COL13A1: variants seen among roughly 807,000 people sequenced by gnomAD.
COL13A1 encodes collagen type XIII alpha 1 chain.
COL13A1 carries 89 observed loss-of-function variants against 130.9 expected under a neutral mutation model. The ratio of observed to expected loss-of-function variants is 0.68; its 90% confidence interval spans 0.57 to 0.81. The LOEUF (loss-of-function observed/expected upper bound fraction) is 0.81, where lower values mean the gene tolerates loss of function less well. Among genes scored for constraint, COL13A1 ranks in the 30% least tolerant of loss-of-function variants. The pLI, the probability that COL13A1 is intolerant of heterozygous loss-of-function variation, is 0.00. For synonymous variants in COL13A1, 402 were observed against 341.6 expected (o/e 1.18, Z -1.95); for missense variants, 879 against 934.6 (o/e 0.94, Z 0.78).
At chr10:69,826,967 C>T (rs1266829747) in intron 2 of COL13A1, among the ~76,000 whole-genome samples, 2 of 152,190 alleles carry the variant, frequency 1.3e-5, no homozygotes, top group African/African-American at 4.8e-5. Flanking sequence ...AACCCATTGG[C>T]CAGAACTTAG....
At chr10:69,916,980 C>G (rs1255735902) in intron 17 of COL13A1, among the ~76,000 whole-genome samples, 4 of 152,190 alleles carry the variant, frequency 2.6e-5, no homozygotes, top group Non-Finnish European at 4.4e-5. Context: ...GTTCCAGGTA[C>G]AGCTCAACCA....
At chr10:69,833,343 G>T (rs926483132) in intron 2 of COL13A1, among the ~76,000 whole-genome samples, 3 of 152,206 alleles carry the variant, frequency 2.0e-5, no homozygotes, top group African/African-American at 7.2e-5. Context: ...CCTCACCTCA[G>T]CCCAGGCCAG....
At chr10:69,882,299 A>G (rs933406697) in intron 7 of COL13A1, among the ~76,000 whole-genome samples, 2 of 152,216 alleles carry the variant, frequency 1.3e-5, no homozygotes, top group African/African-American at 4.8e-5. Context: ...ACACCCTTTC[A>G]GCAAATTATG....
intron 35 of COL13A1, 32 bp downstream of exon 35, chr10:69,941,055 C>G (rs927769528): frequency 2.5e-6 from 4 of 1,613,626 alleles, no homozygotes; most frequent in Non-Finnish European, 2.5e-6. Flanking sequence ...CCCCTCACCC[C>G]ACTCCACTCC....
chr10:69,834,736 G>C (rs1484614792), intron 2 of COL13A1, among the ~76,000 whole-genome samples: 1 of 152,178 alleles, frequency 6.6e-6, no homozygotes, highest in Non-Finnish European at 1.5e-5. Flanking sequence ...CAGAAGGGGG[G>C]TAGGTTGGAG....
At chr10:69,852,611 G>C (rs1010461140) in intron 2 of COL13A1, among the ~76,000 whole-genome samples, 1 of 152,264 alleles carries the variant, frequency 6.6e-6, no homozygotes, top group Non-Finnish European at 1.5e-5. Flanking sequence ...TCAGCAGGGT[G>C]GGGTGACTGG....
chr10:69,817,776 A>G (rs1430069751), intron 1 of COL13A1, among the ~76,000 whole-genome samples: 1 of 152,086 alleles, frequency 6.6e-6, no homozygotes, highest in African/African-American at 2.4e-5. Flanking sequence ...GACAGTAAAA[A>G]GTTGGTAGGA....
chr10:69,849,271 T>C (rs1854022403), intron 2 of COL13A1, among the ~76,000 whole-genome samples: 1 of 150,678 alleles, frequency 6.6e-6, no homozygotes, highest in African/African-American at 2.4e-5. Flanking sequence ...ATCCCTTTCC[T>C]GCTTCCTCCA....
At chr10:69,911,336 G>C (rs2063358564) in intron 17 of COL13A1, among the ~76,000 whole-genome samples, 1 of 152,236 alleles carries the variant, frequency 6.6e-6, no homozygotes. Flanking sequence ...TCTTCAACAA[G>C]CCAGGCTGTG....
intron 18 of COL13A1, among the ~76,000 whole-genome samples, 165 bp downstream of exon 18, chr10:69,917,498 C>T (rs1223337854): frequency 6.6e-6 from 1 of 152,060 alleles, no homozygotes; most frequent in African/African-American, 2.4e-5. Flanking sequence ...ATCAGTGCCC[C>T]CTGATGCGGG....
intron 1 of COL13A1, among the ~76,000 whole-genome samples, chr10:69,818,652 T>C (rs1481801261): frequency 1.3e-5 from 2 of 152,104 alleles, no homozygotes; most frequent in South Asian, 2.1e-4. Context: ...GAGCCAATGG[T>C]GTAAATTCCA....
intron 21 of COL13A1, among the ~76,000 whole-genome samples, chr10:69,920,462 T>C (rs1282511670): frequency 6.6e-6 from 1 of 152,208 alleles, no homozygotes; most frequent in East Asian, 1.9e-4. Flanking sequence ...GTTGAAGCCC[T>C]CACCTCCAGT....
intron 10 of COL13A1, among the ~76,000 whole-genome samples, chr10:69,892,912 G>A (rs1249612878): frequency 1.3e-5 from 2 of 152,298 alleles, no homozygotes; most frequent in East Asian, 3.9e-4. Context: ...GGTTTCAATT[G>A]TCCAAGTCTC....
intron 2 of COL13A1, chr10:69,824,032 A>G: frequency 2.1e-6 from 1 of 466,048 alleles, no homozygotes; most frequent in Non-Finnish European, 4.5e-6. Flanking sequence ...AATGCTGGTC[A>G]AGGGCAGGAT....
intron 30 of COL13A1, among the ~76,000 whole-genome samples, chr10:69,931,741 C>T (rs1177589048): frequency 6.6e-6 from 1 of 152,210 alleles, no homozygotes; most frequent in African/African-American, 2.4e-5. Context: ...CCCCTCAGAG[C>T]CTCTGGCCTC....
intron 2 of COL13A1, among the ~76,000 whole-genome samples, chr10:69,835,224 AAGG>A: frequency 6.6e-6 from 1 of 152,236 alleles, no homozygotes; most frequent in Non-Finnish European, 1.5e-5. Context: ...CTCTGCCCTG[AAGG>A]AGAAGGTTCT....
chr10:69,917,598 G>C (rs2064085548), intron 18 of COL13A1, among the ~76,000 whole-genome samples: 1 of 151,996 alleles, frequency 6.6e-6, no homozygotes, highest in Non-Finnish European at 1.5e-5. Context: ...TGGAGAGTAG[G>C]GGCCCCCAAA....
At chr10:69,860,394 C>T (rs942020161) in intron 2 of COL13A1, among the ~76,000 whole-genome samples, 1 of 152,232 alleles carries the variant, frequency 6.6e-6, no homozygotes, top group African/African-American at 2.4e-5. Flanking sequence ...TGCCAAGATA[C>T]AATCTTCTTT....
chr10:69,885,948 A>G (rs1448669012), intron 7 of COL13A1, among the ~76,000 whole-genome samples: 1 of 151,988 alleles, frequency 6.6e-6, no homozygotes, highest in African/African-American at 2.4e-5. Flanking sequence ...GAACCAGCGC[A>G]CCCACCCTGA....
Sources: allele counts gnomAD v4.1 joint callset (sites outside exome capture counted in the v4.1 genomes callset), GRCh38; gene constraint gnomAD v4.1.1; transcripts MANE v1.5; gene names NCBI Gene and HGNC (gene_info 2026-07-23, HGNC 2026-07-21).